Variants in CENPE observed in about 807,000 individuals in gnomAD.
The protein encoded by CENPE is centromere protein E.
Under a neutral mutation model 336.1 loss-of-function variants are expected in CENPE, and 145 were observed. That is an observed-to-expected ratio of 0.43 (90% CI 0.38 to 0.50). The LOEUF is 0.50. Among genes scored for constraint, CENPE ranks in the 20% least tolerant of loss-of-function variants. The pLI, the probability that CENPE is intolerant of heterozygous loss-of-function variation, is 0.00. For synonymous variants in CENPE, 1,013 were observed against 984.8 expected (o/e 1.03, Z -0.54); for missense variants, 2,719 against 3,023.3 (o/e 0.90, Z 2.36).
intron 25 of CENPE, among the ~76,000 whole-genome samples, chr4:103,152,510 C>T (rs1315490285): frequency 6.6e-6 from 1 of 152,096 alleles, no homozygotes; most frequent in Non-Finnish European, 1.5e-5. Flanking sequence ...CACAGCAATT[C>T]CATTTAGATA....
intron 11 of CENPE, 90 bp from the exon 12 acceptor site, chr4:103,181,546 T>TA (rs1578673424): frequency 3.6e-6 from 4 of 1,109,328 alleles, no homozygotes; most frequent in East Asian, 3.1e-5. Flanking sequence ...TATTCAAGAT[T>TA]AAAAAAATCA....
rs765267862 is a variant in CENPE at position 103,108,882 on chromosome 4, A to G, written c.7932T>C (p.Phe2644=). ...GTAAAGACTTTGATCGGCTATCAAA[A>G]AAACAAGATTTTGGTGATTCCTTTG... ...PVPKESPKSC[F]FDSRSKSLPS... Residue 2644 remains phenylalanine (F), a synonymous_variant, in exon 48 of 49, where the codon TTT becomes TTC. Coordinates refer to ENST00000265148, the MANE Select transcript of CENPE (RefSeq NM_001813.3). The G allele has an allele frequency of 6.2e-7, 1 of 1,613,978 alleles. No homozygotes were observed. Among genetic ancestry groups the G allele is most frequent in the Non-Finnish European group, 8.5e-7 (1 of 1,179,858 alleles).
intron 24 of CENPE, among the ~76,000 whole-genome samples, chr4:103,156,854 A>G (rs113923183): frequency 3.1e-4 from 47 of 152,228 alleles, no homozygotes; most frequent in African/African-American, 1.1e-3. Context: ...GGTAATATTC[A>G]GAAGTATAAA....
rs1466145709 is a variant in CENPE, at chr4:103,196,782, T to C, written c.125A>G (p.Asp42Gly). The C allele has an allele frequency of 1.9e-6, 3 of 1,585,720 alleles. No homozygotes were observed. Among genetic ancestry groups the C allele is most frequent in the Non-Finnish European group, 1.7e-6 (2 of 1,156,740 alleles). Residue 42 changes from aspartate (D) to glycine (G), a missense_variant, in exon 2 of 49, where the codon GAT becomes GGT. By Grantham distance (94) the Asp-to-Gly change is moderately conservative (BLOSUM62 -1). Around this residue, in one of 5 missense-constraint regions of CENPE, gnomAD observed 48 missense variants for 50.8 expected, o/e 0.94. Transcript: ENST00000265148. ...ACCAAAATTGAAGGATTTACTTCCA[T>C]CAACTTGATAAATGACATTATTGTC... ...KTDNNVIYQV[D>G]GSKSFNFDRV...
chr4:103,115,121 A>G (rs1328068908), intron 45 of CENPE, among the ~76,000 whole-genome samples: 1 of 151,200 alleles, frequency 6.6e-6, no homozygotes, highest in Non-Finnish European at 1.5e-5. Context: ...TGCTGACCCT[A>G]TTCTTTACTT....
rs572996319 is a variant in CENPE, at chr4:103,150,308, A to C, written c.3397-900T>G. Reference sequence around the variant, plus strand: ...ATATTAAGAAAAAAACAGGCTGGGCATGATGGCTCACACCTGTAATCCTAG... The same window carrying C: ...ATATTAAGAAAAAAACAGGCTGGGCCTGATGGCTCACACCTGTAATCCTAG... On this transcript the variant is annotated intron_variant, in intron 26 of 48. Coordinates refer to ENST00000265148, the MANE Select transcript of CENPE (RefSeq NM_001813.3). Among the ~76,000 whole-genome samples the C allele has an allele frequency of 2.0e-5, 3 of 152,292 alleles. No individual in the cohort carries two copies. The South Asian group carries it at 6.2e-4, about 32-fold the overall frequency.
chr4:103,122,860 A>G lies in CENPE; in HGVS notation c.7143+11T>C. 1 of 1,591,890 alleles carries G rather than the reference A, an allele frequency of 6.3e-7. No homozygotes were observed. The highest frequency in any genetic ancestry group is 1.1e-5 in the South Asian group (1 of 89,790). ...TGCAAACTGAAGAACATTTTATAAG[A>G]AATTATATACCTCTGTGGTTAACTG... On this transcript the variant is annotated intron_variant, in intron 43 of 48. Transcript: ENST00000265148.
rs1748883643 is a variant in CENPE, at chr4:103,106,223, T to A, written c.8105A>T (p.Ter2702LeuextTer17). The A allele has an allele frequency of 2.6e-6, 4 of 1,565,332 alleles. No individual in the cohort carries two copies. Among genetic ancestry groups the A allele is most frequent in the Middle Eastern group, 1.7e-4 (1 of 5,958 alleles). ...GKDVPECKTQ[*>L] ...TCCAGAGAAGTGACAAAGAGGAGTC[T>A]ACTGAGTTTTGCACTCAGGCACATC... Residue 2702 changes from the stop codon to leucine, a stop_lost, in exon 49 of 49, where the codon TAG becomes TTG. Coordinates refer to ENST00000265148, the MANE Select transcript of CENPE (RefSeq NM_001813.3).
chr4:103,162,954 T>C (rs915011170), intron 18 of CENPE, among the ~76,000 whole-genome samples, 183 bp downstream of exon 18: 1 of 152,130 alleles, frequency 6.6e-6, no homozygotes, highest in Admixed American at 6.6e-5. Flanking sequence ...TGACTTTATC[T>C]CTAAAATGGC....
At chr4:103,138,065 A>G (rs753368882) in intron 39 of CENPE, among the ~76,000 whole-genome samples, 7 of 152,142 alleles carry the variant, frequency 4.6e-5, no homozygotes, top group Non-Finnish European at 8.8e-5. Context: ...CCCTTTGCCT[A>G]TAATGGTCTT....
rs1560621003 is a variant in CENPE, at chr4:103,141,803, GT to G, written c.5409del (p.Lys1803AsnfsTer9). 1.9e-6 allele frequency: 3 copies of G among 1,572,298 alleles called. No homozygotes were observed. In the Admixed American group the frequency reaches 5.1e-5, roughly 27 times the overall value. On this transcript the variant is annotated frameshift_variant, in exon 35 of 49. Transcript: ENST00000265148. LOFTEE classifies it high-confidence loss of function. ...LRGIVSEKTD[K>X]LSNMQKDLEN... Reference sequence around the variant, plus strand: ...TCTAAATCTTTTTGCATATTTGATAGTTTATCTGTCTTCTCAGAAACAATTC... The same window carrying G: ...TCTAAATCTTTTTGCATATTTGATAGTTATCTGTCTTCTCAGAAACAATTC...
Position 103,106,130 on chromosome 4 carries a change from G to A in CENPE, c.*92C>T. The A allele has an allele frequency of 4.2e-6, 3 of 706,032 alleles. No homozygotes were observed. Among genetic ancestry groups the A allele is most frequent in the South Asian group, 8.3e-5 (2 of 24,150 alleles). The allele number at this position is 706,032 out of a possible 1,614,324, so 43.7% of individuals were successfully genotyped here. On this transcript the variant is annotated 3_prime_UTR_variant, in exon 49 of 49. Coordinates refer to ENST00000265148, the MANE Select transcript of CENPE (RefSeq NM_001813.3). ...GTAAAGACTGAATTGAAATTAAGCT[G>A]CACTACAACATCATTACCAGGGATA...
chr4:103,126,213 T>G (rs1034399515), intron 42 of CENPE, among the ~76,000 whole-genome samples: 1 of 152,134 alleles, frequency 6.6e-6, no homozygotes. Flanking sequence ...CAGTTAATAT[T>G]GGAGAAATCC....
intron 20 of CENPE, 80 bp downstream of exon 20, chr4:103,161,006 G>T: frequency 3.3e-6 from 4 of 1,220,452 alleles, no homozygotes; most frequent in Non-Finnish European, 4.5e-6. Context: ...TTTAATCATT[G>T]AAATATGCTT....
intron 9 of CENPE, 150 bp downstream of exon 9, chr4:103,185,660 A>C: frequency 2.0e-6 from 1 of 489,500 alleles, no homozygotes. Context: ...TTCTATGTTA[A>C]ACTTTTATCA....
intron 1 of CENPE, 152 bp from the exon 2 acceptor site, chr4:103,197,002 A>G (rs1757792760): frequency 1.6e-6 from 1 of 636,638 alleles, no homozygotes. Flanking sequence ...CAACTCTTAA[A>G]TGGAGCTTCA....
rs1442865524 is a variant in CENPE, at chr4:103,180,401, A to G, written c.1152T>C (p.Asp384=). The G allele has an allele frequency of 1.2e-6, 2 of 1,612,998 alleles. No individual in the cohort carries two copies. Among genetic ancestry groups the G allele is most frequent in the Non-Finnish European group, 1.7e-6 (2 of 1,179,436 alleles). Residue 384 remains aspartate (D), a synonymous_variant, in exon 13 of 49, where the codon GAT becomes GAC. Transcript: ENST00000265148. ...TCTCATTCTGTACTTTCTGAAGCAA[A>G]TCTTTTTCTTCCAAAAGTTGGGCCA... The part of the protein sequence containing the change: ...DQLAQLLEEK[D]LLQKVQNEKI...
At position 103,165,925 on chromosome 4, in the gene CENPE, G is replaced by A. The variant is rs115546163; in HGVS notation, c.1648-2372C>T. On this transcript the variant is annotated intron_variant, in intron 16 of 48. Coordinates refer to ENST00000265148, the MANE Select transcript of CENPE (RefSeq NM_001813.3). ...AAAGAAAAAGAAATTTAAAAAGAAC[G>A]GAGTAGGATTCTTCCTCCTCAACTG... 7.6e-3 allele frequency among the ~76,000 whole-genome samples: 1,145 copies of A among 151,336 alleles called. 17 individuals carry two copies. Among genetic ancestry groups the A allele is most frequent in the African/African-American group, 0.026 (1,088 of 41,334 alleles).
chr4:103,156,633 G>C (rs1753978927), intron 24 of CENPE, among the ~76,000 whole-genome samples: 1 of 152,066 alleles, frequency 6.6e-6, no homozygotes, highest in Non-Finnish European at 1.5e-5. Flanking sequence ...ACTCTTAGAA[G>C]AAAACATAGG....
Sources: gnomAD v4.1 joint callset for allele counts (sites outside exome capture counted in the v4.1 genomes callset) on GRCh38, gnomAD v4.1.1 for gene constraint, gnomAD v4.1.1 regional missense constraint, MANE v1.5 for transcripts, NCBI Gene and HGNC (gene_info 2026-07-23, HGNC 2026-07-21) for gene names.